The following KCTD1 variants were observed in gnomAD, a reference collection of about 807,000 sequenced individuals.
The protein encoded by KCTD1 is BTB/POZ domain-containing protein KCTD1.
KCTD1 carries 24 observed loss-of-function variants against 66.0 expected under a neutral mutation model. The ratio of observed to expected loss-of-function variants is 0.36; its 90% CI spans 0.26 to 0.51. The LOEUF (loss-of-function observed/expected upper bound fraction) is 0.51, where lower values mean the gene tolerates loss of function less well. KCTD1 is among the 20% of genes least tolerant of loss of function. The pLI, the probability that KCTD1 is intolerant of heterozygous loss-of-function variation, is 0.95. For synonymous variants in KCTD1, 511 were observed against 517.2 expected (o/e 0.99, Z 0.16); for missense variants, 943 against 1,205.2 (o/e 0.78, Z 3.22).
chr18:26,518,469 T>C (rs984024698), intron 1 of KCTD1, among the ~76,000 whole-genome samples: 1 of 152,200 alleles, frequency 6.6e-6, no homozygotes, highest in Non-Finnish European at 1.5e-5. Context: ...TTTCACCACA[T>C]TGGTCAGGCT....
intron 1 of KCTD1, among the ~76,000 whole-genome samples, chr18:26,505,409 G>A (rs1002720175): frequency 2.0e-5 from 3 of 152,246 alleles, no homozygotes; most frequent in Admixed American, 2.0e-4. Context: ...TTCGATTTCT[G>A]CGCATTGCTC....
intron 1 of KCTD1, chr18:26,599,682 T>C: frequency 6.7e-7 from 1 of 1,495,558 alleles, no homozygotes; most frequent in Non-Finnish European, 9.3e-7. Context: ...GGTGGATGTC[T>C]TTTTCTGAAA....
intron 3 of KCTD1, among the ~76,000 whole-genome samples, chr18:26,475,241 T>C (rs1017587841): frequency 3.3e-5 from 5 of 152,238 alleles, no homozygotes; most frequent in African/African-American, 1.2e-4. Context: ...TAGCTATCCT[T>C]AACGCTTTTT....
At chr18:26,551,472 C>T (rs562893145), upstream of KCTD1, among the ~76,000 whole-genome samples, 5 of 152,174 alleles carry the variant, frequency 3.3e-5, no homozygotes, top group South Asian at 8.3e-4. Flanking sequence ...GCCTGATTAT[C>T]GGGCAACTGT....
intron 1 of KCTD1, chr18:26,599,268 A>G (rs773458361): frequency 1.5e-6 from 1 of 687,254 alleles, no homozygotes; most frequent in Non-Finnish European, 2.4e-6. Flanking sequence ...TGAAAAGACT[A>G]TTCCTTCTCC....
chr18:26,455,809 C>T lies in KCTD1; in HGVS notation c.2532G>A (p.Arg844=), dbSNP rs752047415. 11 of 1,614,082 alleles carry T rather than the reference C, an allele frequency of 6.8e-6. No individual in the cohort carries two copies. In the Admixed American group the frequency reaches 1.7e-4, roughly 24 times the overall value. ...DSSQFSEYVL[R]RELRRTPRVP... is the part of the protein sequence containing the mutation. ...CACGGGGCGTCCGCCTCAGTTCCCG[C>T]CGAAGGACGTATTCGCTGAACTGGG... The change falls in exon 5 of 5, where the codon CGG becomes CGA. Residue 844 remains arginine (R), a synonymous_variant. Coordinates refer to ENST00000580059, the MANE Select transcript of KCTD1 (RefSeq NM_001142730.3).
intron 1 of KCTD1, among the ~76,000 whole-genome samples, chr18:26,593,814 AGGAGGAGAAGGACAAGGAG>A (rs1986700875): frequency 6.8e-6 from 1 of 147,638 alleles, no homozygotes; most frequent in Non-Finnish European, 1.5e-5. Context: ...GACAAGGAGC[AGGAGGAGAAGGACAAGGAG>A]GGAGGAGGAA....
chr18:26,613,826 C>T (rs1382671420), intron 1 of KCTD1, among the ~76,000 whole-genome samples: 1 of 152,166 alleles, frequency 6.6e-6, no homozygotes, highest in Non-Finnish European at 1.5e-5. Flanking sequence ...TCAAGCATGT[C>T]CCTATATCGG....
intron 1 of KCTD1, chr18:26,581,410 A>G (rs918228869): frequency 6.6e-6 from 1 of 152,166 alleles, no homozygotes; most frequent in Non-Finnish European, 1.5e-5. Context: ...GGCACACACC[A>G]TCATGCCTGG....
chr18:26,587,111 G>T (rs2144935981), intron 1 of KCTD1, among the ~76,000 whole-genome samples: 1 of 152,302 alleles, frequency 6.6e-6, no homozygotes, highest in Admixed American at 6.5e-5. Flanking sequence ...TCACTGCCTG[G>T]CTTCAAGTGA....
At chr18:26,538,813 G>A (rs961678124) in intron 1 of KCTD1, among the ~76,000 whole-genome samples, 4 of 152,156 alleles carry the variant, frequency 2.6e-5, no homozygotes, top group African/African-American at 9.7e-5. Context: ...GCTGAGATTT[G>A]CTCCAGGGGA....
chr18:26,563,714 C>T (rs965436758), intron 1 of KCTD1, among the ~76,000 whole-genome samples: 3 of 152,206 alleles, frequency 2.0e-5, no homozygotes, highest in African/African-American at 7.2e-5. Flanking sequence ...CAAAATCTTT[C>T]ACCTTTTTGT....
intron 3 of KCTD1, among the ~76,000 whole-genome samples, chr18:26,464,758 C>CT: frequency 6.6e-6 from 1 of 152,192 alleles, no homozygotes; most frequent in Non-Finnish European, 1.5e-5. Flanking sequence ...CACCCCCAGG[C>CT]TTAGGGGGCA....
intron 1 of KCTD1, among the ~76,000 whole-genome samples, chr18:26,582,543 CAGAAAGTTATCCTAT>C (rs1986379010): frequency 6.6e-6 from 1 of 152,160 alleles, no homozygotes; most frequent in African/African-American, 2.4e-5. Flanking sequence ...ATTCTAATTT[CAGAAAGTTATCCTAT>C]AGAAATATTC....
intron 1 of KCTD1, among the ~76,000 whole-genome samples, chr18:26,531,403 T>C (rs1401793582): frequency 6.6e-6 from 1 of 152,178 alleles, no homozygotes; most frequent in African/African-American, 2.4e-5. Flanking sequence ...ATACTTTAAG[T>C]CAAATACATA....
chr18:26,557,744 T>A (rs1291791205), intron 1 of KCTD1, among the ~76,000 whole-genome samples: 1 of 152,192 alleles, frequency 6.6e-6, no homozygotes, highest in Non-Finnish European at 1.5e-5. Flanking sequence ...GAAAATTGAA[T>A]GCAAGTTGTG....
chr18:26,653,601 A>G (rs2145083771), intron 1 of KCTD1, among the ~76,000 whole-genome samples: 1 of 152,358 alleles, frequency 6.6e-6, no homozygotes, highest in East Asian at 1.9e-4. Context: ...TTGTGTCTCC[A>G]GCATTTAACA....
At chr18:26,650,359 G>A (rs751784096) in intron 1 of KCTD1, among the ~76,000 whole-genome samples, 17 of 152,218 alleles carry the variant, frequency 1.1e-4, no homozygotes, top group Non-Finnish European at 2.5e-4. Context: ...CTTATCCTGT[G>A]TGCCAGGCAC....
At chr18:26,595,634 C>T (rs1467408924) in intron 1 of KCTD1, among the ~76,000 whole-genome samples, 3 of 152,100 alleles carry the variant, frequency 2.0e-5, no homozygotes, top group African/African-American at 7.3e-5. Context: ...CTGCATTGTG[C>T]CACCACCACC....
Sources: gnomAD v4.1 joint callset for allele counts (sites outside exome capture counted in the v4.1 genomes callset) on GRCh38, gnomAD v4.1.1 for gene constraint, MANE v1.5 for transcripts, NCBI Gene and HGNC (gene_info 2026-07-23, HGNC 2026-07-21) for gene names.